Variants in DNAH5 observed in about 807,000 individuals in gnomAD.
DNAH5 encodes dynein axonemal heavy chain 5, also known as axonemal beta dynein heavy chain 5.
Under a neutral mutation model 518.2 loss-of-function variants are expected in DNAH5, and 372 were observed. That is an observed-to-expected ratio of 0.72 (90% CI 0.66 to 0.78). The LOEUF is 0.78. Among genes scored for constraint, DNAH5 ranks in the 30% least tolerant of loss-of-function variants. DNAH5 has a pLI of 0.00. For missense variants in DNAH5, 5,523 were observed against 5,687.0 expected (o/e 0.97, Z 0.93); for synonymous variants, 2,039 against 2,025.9 (o/e 1.01, Z -0.17).
In DNAH5 at chr5:13,914,076, G is replaced by A. The variant is rs746188918; in HGVS notation, c.1321-118C>T. On this transcript the variant is annotated intron_variant, in intron 10 of 78. Coordinates refer to ENST00000265104, the MANE Select transcript of DNAH5 (RefSeq NM_001369.3). ...ATTGTAAGCCTTTTCATAGTTTCAT[G>A]CCTTTGCTTGTACTCACTCATCAGC... The A allele has an allele frequency of 4.7e-5, 60 of 1,265,106 alleles. No homozygotes were observed. In the Middle Eastern group the frequency reaches 1.1e-3, roughly 23 times the overall value. The allele number at this position is 1,265,106 out of a possible 1,614,324, so 78.4% of individuals were successfully genotyped here. A position where few individuals can be genotyped will look rare whatever the true frequency, so the allele number is the denominator to read the frequency against.
chr5:13,815,415 T>C (rs115320209), intron 42 of DNAH5, among the ~76,000 whole-genome samples: 1,766 of 152,212 alleles, frequency 0.012, 25 homozygotes, highest in African/African-American at 0.04. Context: ...CCCTAAAATA[T>C]CCTCATGAAC....
intron 12 of DNAH5, among the ~76,000 whole-genome samples, chr5:13,908,549 G>T (rs139078564): frequency 6.6e-6 from 1 of 152,098 alleles, no homozygotes; most frequent in Non-Finnish European, 1.5e-5. Context: ...GTGGGGTCTG[G>T]GTTGTGGAAT....
intron 38 of DNAH5, among the ~76,000 whole-genome samples, chr5:13,825,946 C>G (rs1762839728): frequency 6.6e-6 from 1 of 152,182 alleles, no homozygotes; most frequent in South Asian, 2.1e-4. Flanking sequence ...TCACTTAAGA[C>G]TAGTCATTTG....
chr5:13,708,573 CAGA>C (rs1440142831), intron 75 of DNAH5, among the ~76,000 whole-genome samples: 3 of 152,060 alleles, frequency 2.0e-5, no homozygotes, highest in Non-Finnish European at 4.4e-5. Context: ...CATGAATTCA[CAGA>C]AGAATGTAAA....
chr5:13,720,962 T>C (rs1744970316), intron 71 of DNAH5, 38 bp downstream of exon 71: 3 of 1,613,764 alleles, frequency 1.9e-6, no homozygotes, highest in African/African-American at 1.3e-5. Context: ...ACCTGTAATA[T>C]GAACAGCATG....
intron 24 of DNAH5, among the ~76,000 whole-genome samples, chr5:13,868,782 C>T (rs1171110960): frequency 6.6e-6 from 1 of 152,188 alleles, no homozygotes; most frequent in Non-Finnish European, 1.5e-5. Context: ...ATACCAAGAC[C>T]TACAGCTTTC....
At chr5:13,948,343 T>C (rs936681135), upstream of DNAH5, among the ~76,000 whole-genome samples, 1 of 152,136 alleles carries the variant, frequency 6.6e-6, no homozygotes, top group African/African-American at 2.4e-5. Flanking sequence ...AAAATAAAAT[T>C]GAAATTCTAA....
intron 74 of DNAH5, 91 bp downstream of exon 74, chr5:13,716,396 T>A (rs1463144574): frequency 1.2e-5 from 11 of 894,524 alleles, no homozygotes; most frequent in Non-Finnish European, 2.0e-5. Context: ...TAAAATGTAT[T>A]GTAAAAGCAA....
In DNAH5 at chr5:13,911,477, A is replaced by G. The variant is rs552076179; in HGVS notation, c.1553T>C (p.Ile518Thr). The G allele has an allele frequency of 2.5e-5, 40 of 1,613,648 alleles. No homozygotes were observed. In the South Asian group the frequency reaches 4.3e-4, roughly 17 times the overall value. The change falls in exon 12 of 79, where the codon ATA becomes ACA. Residue 518 changes from isoleucine (I) to threonine (T), a missense_variant. Ile to Thr is a moderately conservative substitution (Grantham distance 89). Transcript: ENST00000265104. ...TAGGAAATTGTATTCCTTTTTCTTT[A>G]TGGTTGCCACAATGCCCTGAAATAT... ...ATKYQGIVAT[I>T]KKKEYNFLDQ... is the part of the protein sequence containing the mutation.
intron 21 of DNAH5, among the ~76,000 whole-genome samples, chr5:13,878,002 T>C (rs550157003): frequency 4.6e-5 from 7 of 152,270 alleles, no homozygotes; most frequent in Admixed American, 6.5e-5. Flanking sequence ...CCCAAGGGAC[T>C]ACATTCTAAA....
rs1254497645 is a variant in DNAH5 at position 13,690,988 on chromosome 5, A to G, written c.*996T>C. On this transcript the variant is annotated 3_prime_UTR_variant, in exon 79 of 79. Coordinates refer to ENST00000265104, the MANE Select transcript of DNAH5 (RefSeq NM_001369.3). ...TGCTGTTATAATCACAGTGTGCTCA[A>G]TATTTTGTAAACTAAATCTTTCACT... 2.6e-5 allele frequency: 4 copies of G among 152,190 alleles called. No homozygotes were observed. The highest frequency in any genetic ancestry group is 4.4e-5 in the Non-Finnish European group (3 of 68,036). 9.4% of individuals were successfully genotyped at this position (152,190 alleles called of 1,614,324 possible).
intron 1 of DNAH5, among the ~76,000 whole-genome samples, chr5:13,955,469 G>C (rs1780701802): frequency 6.6e-6 from 1 of 152,190 alleles, no homozygotes; most frequent in Admixed American, 6.5e-5. Context: ...GAAGAAAACA[G>C]GGTGTGTCCA....
chr5:13,805,934 C>A (rs1055258040), intron 47 of DNAH5, among the ~76,000 whole-genome samples: 9 of 152,156 alleles, frequency 5.9e-5, no homozygotes, highest in South Asian at 2.1e-4. Flanking sequence ...CCCTTAACTT[C>A]TGAAGTCTGC....
chr5:13,706,898 G>A (rs1197683014), intron 76 of DNAH5, among the ~76,000 whole-genome samples: 3 of 152,284 alleles, frequency 2.0e-5, no homozygotes, highest in South Asian at 4.1e-4. Flanking sequence ...GTAGAGAAGG[G>A]CAGGGTCCCT....
chr5:13,747,880 T>G (rs1424121479), intron 65 of DNAH5, among the ~76,000 whole-genome samples: 1 of 152,352 alleles, frequency 6.6e-6, no homozygotes, highest in South Asian at 2.1e-4. Flanking sequence ...AGAAGCTCTT[T>G]AGTTTTGTCA....
chr5:13,929,727 G>A (rs1159200897), intron 2 of DNAH5, among the ~76,000 whole-genome samples: 2 of 152,138 alleles, frequency 1.3e-5, no homozygotes, highest in African/African-American at 2.4e-5. Context: ...TGAGCCAGAT[G>A]CTTTCTTTAA....
chr5:13,822,894 G>A (rs1389696017), intron 40 of DNAH5, among the ~76,000 whole-genome samples: 3 of 152,208 alleles, frequency 2.0e-5, no homozygotes, highest in East Asian at 1.9e-4. Context: ...AGAGGCAGGC[G>A]ACACAGCAAA....
chr5:13,827,045 G>T (rs1762975032), intron 38 of DNAH5, among the ~76,000 whole-genome samples: 1 of 152,150 alleles, frequency 6.6e-6, no homozygotes, highest in African/African-American at 2.4e-5. Context: ...CTGGAGTGAA[G>T]GTCACTGTTG....
At chr5:13,847,701 G>A (rs1165794512) in intron 31 of DNAH5, among the ~76,000 whole-genome samples, 1 of 150,410 alleles carries the variant, frequency 6.6e-6, no homozygotes, top group Non-Finnish European at 1.5e-5. Flanking sequence ...TCCAGCCTGG[G>A]CAAAAGAGTG....
Sources: allele counts gnomAD v4.1 joint callset (sites outside exome capture counted in the v4.1 genomes callset), GRCh38; gene constraint gnomAD v4.1.1; transcripts MANE v1.5; gene names NCBI Gene and HGNC (gene_info 2026-07-23, HGNC 2026-07-21).